The following PCDH10 variants were observed in gnomAD, a reference collection of about 807,000 sequenced individuals.
PCDH10 encodes the protein protocadherin 10, also known as protocadherin-10.
In PCDH10, 15 loss-of-function variants were observed where a neutral mutation model predicts 74.4. The ratio of observed to expected loss-of-function variants is 0.20; its 90% CI spans 0.13 to 0.31. The LOEUF is 0.31. PCDH10 is among the 10% of genes least tolerant of loss of function. The pLI is 1.00. For synonymous variants in PCDH10, 619 were observed against 589.8 expected (o/e 1.05, Z -0.72); for missense variants, 1,260 against 1,390.2 (o/e 0.91, Z 1.49).
intron 4 of PCDH10, among the ~76,000 whole-genome samples, chr4:133,170,098 CA>C: frequency 6.6e-6 from 1 of 151,998 alleles, no homozygotes; most frequent in South Asian, 2.1e-4. Context: ...GTAGGAAATT[CA>C]AAAACCTTGT....
At chr4:133,204,464 G>T (rs1727964160) in intron 2 of PCDH10, among the ~76,000 whole-genome samples, 2 of 152,134 alleles carry the variant, frequency 1.3e-5, no homozygotes, top group African/African-American at 4.8e-5. Context: ...ACTTTTATGG[G>T]CAGGAGACTC....
chr4:133,185,438 G>C (rs1318992806), intron 4 of PCDH10, among the ~76,000 whole-genome samples: 1 of 151,960 alleles, frequency 6.6e-6, no homozygotes, highest in Non-Finnish European at 1.5e-5. Context: ...GTTAAACATG[G>C]CTCAAGAATA....
chr4:133,161,025 CT>C (rs1726959016), intron 3 of PCDH10, among the ~76,000 whole-genome samples: 1 of 151,978 alleles, frequency 6.6e-6, no homozygotes, highest in South Asian at 2.1e-4. Flanking sequence ...TTCTAGTTCC[CT>C]TTCTTTTTTT....
At position 133,192,519 on chromosome 4, in the gene PCDH10, T is replaced by C. The variant is rs1215448805; in HGVS notation, c.*2359T>C. The C allele has an allele frequency of 2.0e-5, 3 of 151,618 alleles. No individual in the cohort carries two copies. Among genetic ancestry groups the C allele is most frequent in the Admixed American group, 2.0e-4 (3 of 15,184 alleles). The allele number at this position is 151,618 out of a possible 1,614,324, so 9.4% of individuals were successfully genotyped here. A position where few individuals can be genotyped will look rare whatever the true frequency, so the allele number is the denominator to read the frequency against. On this transcript the variant is annotated 3_prime_UTR_variant, in exon 5 of 5. Transcript: ENST00000264360. ...AGACATTTTCTTTAATTATTTAACC[T>C]TTTATATCATTGTATATAATCTCCT...
At chr4:133,166,354 TTAAA>T (rs1048019552) in intron 4 of PCDH10, among the ~76,000 whole-genome samples, 4 of 151,562 alleles carry the variant, frequency 2.6e-5, no homozygotes, top group Non-Finnish European at 4.4e-5. Flanking sequence ...CTACAGCACT[TTAAA>T]TAATCATGTT....
rs1203788582 is a variant in PCDH10 at position 133,150,274 on chromosome 4, T to G, written c.134T>G (p.Ile45Ser). ...ATCGCTGAAGATCTGGGTCTGGACATTACAAAACTTTCGGCTCGCGGGTTT... is the reference window on the plus strand; with the variant it reads ...ATCGCTGAAGATCTGGGTCTGGACAGTACAAAACTTTCGGCTCGCGGGTTT... ...GNIAEDLGLDITKLSARGFQT... is the reference protein window; with the variant it reads ...GNIAEDLGLDSTKLSARGFQT... The change falls in exon 1 of 5, where the codon ATT (isoleucine) becomes AGT (serine). Residue 45 changes from isoleucine (I) to serine (S), a missense_variant. Physicochemically the swap from Ile to Ser is moderately radical, Grantham distance 142 (BLOSUM62 -2). Coordinates refer to ENST00000264360, the MANE Select transcript of PCDH10 (RefSeq NM_032961.3). The G allele has an allele frequency of 6.2e-7, 1 of 1,613,870 alleles. No individual in the cohort carries two copies. Among genetic ancestry groups the G allele is most frequent in the Non-Finnish European group, 8.5e-7 (1 of 1,179,968 alleles).
At position 133,177,894 on chromosome 4, in the gene PCDH10, C is replaced by T. The variant is rs1000733712; in HGVS notation, c.3104-12247C>T. On this transcript the variant is annotated intron_variant, in intron 4 of 4. Transcript: ENST00000264360. The stretch of plus-strand genomic sequence containing the variant: ...CTTTGACTATCTTTGGAAAAGACTC[C>T]TTACAGTGTAATCAAGGAAGAATTT... Among the ~76,000 whole-genome samples, 151 of 152,008 alleles carry T rather than the reference C, an allele frequency of 9.9e-4. 3 individuals carry two copies. The highest frequency in any genetic ancestry group is 1.5e-4 in the African/African-American group (6 of 41,378).
chr4:133,188,362 ATTTG>A (rs1727584363), intron 4 of PCDH10, among the ~76,000 whole-genome samples: 1 of 152,136 alleles, frequency 6.6e-6, no homozygotes, highest in African/African-American at 2.4e-5. Flanking sequence ...GTGTAAACAA[ATTTG>A]TTTGAATTAT....
intron 4 of PCDH10, among the ~76,000 whole-genome samples, chr4:133,184,784 AAATATAT>A (rs1342278011): frequency 3.6e-5 from 5 of 138,290 alleles, no homozygotes; most frequent in South Asian, 2.2e-4. Flanking sequence ...ATATATATAT[AAATATAT>A]ATATTTATAT....
chr4:133,184,707 A>G (rs968031205), intron 4 of PCDH10, among the ~76,000 whole-genome samples: 41 of 144,616 alleles, frequency 2.8e-4, no homozygotes, highest in Admixed American at 4.9e-4. Context: ...AAATATATAT[A>G]TTTATATTTG....
Position 133,152,367 on chromosome 4 carries a change from GAGA to G in PCDH10, c.2233_2235del (p.Lys745del). 1 of 1,614,218 alleles carries G rather than the reference GAGA, an allele frequency of 6.2e-7. No homozygotes were observed. Among genetic ancestry groups the G allele is most frequent in the Non-Finnish European group, 8.5e-7 (1 of 1,180,042 alleles). ...CGTGCTGGCCGTGCGTTGCCAAAAA[GAGA>G]AGAAGCTCAACATCTATACTTGTCT... On this transcript the variant is annotated inframe_deletion, in exon 1 of 5. Coordinates refer to ENST00000264360, the MANE Select transcript of PCDH10 (RefSeq NM_032961.3).
At chr4:133,187,286 T>C (rs2125872683) in intron 4 of PCDH10, among the ~76,000 whole-genome samples, 1 of 152,216 alleles carries the variant, frequency 6.6e-6, no homozygotes, top group Non-Finnish European at 1.5e-5. Flanking sequence ...GTGATGTGCC[T>C]GGTGTTAGGC....
rs547996100 is a variant in PCDH10, at chr4:133,167,646, C to G, written c.3103+4364C>G. ...TTGATATGTTAATTTCTGATTAGTT[C>G]TCTTCCATGTTGTGCTACTATGTGT... is the stretch of plus-strand genomic sequence containing the variant. On this transcript the variant is annotated intron_variant, in intron 4 of 4. Transcript: ENST00000264360. Among the ~76,000 whole-genome samples, 7 of 151,390 alleles carry G rather than the reference C, an allele frequency of 4.6e-5. No homozygotes were observed. In the South Asian group the frequency reaches 1.5e-3, roughly 31 times the overall value.
At chr4:133,153,018 C>T in intron 1 of PCDH10, 1 of 1,431,708 alleles carries the variant, frequency 7.0e-7, no homozygotes, top group Non-Finnish European at 9.2e-7. Flanking sequence ...CCTTGGAGCT[C>T]CCTCCTTTGC....
chr4:133,178,217 T>G lies in PCDH10; in HGVS notation c.3104-11924T>G, dbSNP rs922369790. On this transcript the variant is annotated intron_variant, in intron 4 of 4. Transcript: ENST00000264360. Reference sequence around the variant, plus strand: ...AGACAGCACAAAAAGCCAGTGTGTGTTTTTTTTTGTTTTGTTTTTTGTTTT... The same window carrying G: ...AGACAGCACAAAAAGCCAGTGTGTGGTTTTTTTTGTTTTGTTTTTTGTTTT... Among the ~76,000 whole-genome samples, 14 of 147,906 alleles carry G rather than the reference T, an allele frequency of 9.5e-5. 1 individual carries two copies. Among genetic ancestry groups the G allele is most frequent in the East Asian group, 1.9e-4 (1 of 5,150 alleles).
rs987560097 is a variant in PCDH10 at position 133,194,419 on chromosome 4, C to G, written c.*4259C>G. 6.6e-6 allele frequency: 1 copy of G among 151,740 alleles called. No homozygotes were observed. Among genetic ancestry groups the G allele is most frequent in the African/African-American group, 2.4e-5 (1 of 41,380 alleles). 9.4% of individuals were successfully genotyped at this position (151,740 alleles called of 1,614,324 possible). On this transcript the variant is annotated 3_prime_UTR_variant, in exon 5 of 5. Coordinates refer to ENST00000264360, the MANE Select transcript of PCDH10 (RefSeq NM_032961.3). Reference sequence around the variant, plus strand: ...TGAAAGTAAGCAGGGAATTTCAGCTCTAAACACATTTTTGAGACAGTTATC... The same window carrying G: ...TGAAAGTAAGCAGGGAATTTCAGCTGTAAACACATTTTTGAGACAGTTATC...
rs1201800492 is a variant in PCDH10 at position 133,192,767 on chromosome 4, C to A, written c.*2607C>A. 1 of 151,458 alleles carries A rather than the reference C, an allele frequency of 6.6e-6. No homozygotes were observed. The highest frequency in any genetic ancestry group is 1.5e-5 in the Non-Finnish European group (1 of 67,582). The allele number at this position is 151,458 out of a possible 1,614,324, so 9.4% of individuals were successfully genotyped here. A position where few individuals can be genotyped will look rare whatever the true frequency, so the allele number is the denominator to read the frequency against. Reference sequence around the variant, plus strand: ...ATCCAAAGTAAATTAGAAGTTACAACAGAGTAAGGATATGATTCTTGTAAG... The same window carrying A: ...ATCCAAAGTAAATTAGAAGTTACAAAAGAGTAAGGATATGATTCTTGTAAG... On this transcript the variant is annotated 3_prime_UTR_variant, in exon 5 of 5. Coordinates refer to ENST00000264360, the MANE Select transcript of PCDH10 (RefSeq NM_032961.3).
chr4:133,169,324 G>T (rs1727154252), intron 4 of PCDH10, among the ~76,000 whole-genome samples: 1 of 151,510 alleles, frequency 6.6e-6, no homozygotes, highest in Admixed American at 6.6e-5. Context: ...ACAGATATAT[G>T]GTTAAGTAAA....
intron 4 of PCDH10, among the ~76,000 whole-genome samples, chr4:133,174,407 T>A (rs1376904265): frequency 6.6e-6 from 1 of 151,858 alleles, no homozygotes. Context: ...AATAATCAAA[T>A]GGAAAACTTA....
Sources: allele counts gnomAD v4.1 joint callset (sites outside exome capture counted in the v4.1 genomes callset), GRCh38; gene constraint gnomAD v4.1.1; transcripts MANE v1.5; gene names NCBI Gene and HGNC (gene_info 2026-07-23, HGNC 2026-07-21).